DHX38: variants seen among roughly 807,000 people sequenced by gnomAD.
DHX38 encodes the protein pre-mRNA-splicing factor ATP-dependent RNA helicase PRP16.
DHX38 carries 100 observed loss-of-function variants against 153.1 expected under a neutral mutation model. The ratio of observed to expected loss-of-function variants is 0.65; its 90% CI spans 0.56 to 0.77. The LOEUF (loss-of-function observed/expected upper bound fraction) is 0.77, where lower values mean the gene tolerates loss of function less well. Among genes scored for constraint, DHX38 ranks in the 30% least tolerant of loss-of-function variants. The pLI is 0.00. For synonymous variants in DHX38, 650 were observed against 631.7 expected (o/e 1.03, Z -0.43); for missense variants, 1,440 against 1,654.0 (o/e 0.87, Z 2.24).
At position 72,112,785 on chromosome 16, in the gene DHX38, T is replaced by C. The variant is rs754740374; in HGVS notation, c.*288T>C. On this transcript the variant is annotated 3_prime_UTR_variant, in exon 27 of 27. Coordinates refer to ENST00000268482, the MANE Select transcript of DHX38 (RefSeq NM_014003.4). ...TCTAAAACTGGCCCAGGACACTTGG[T>C]GTATGCGTGACTTGGCTGTGGCTGT... is the stretch of plus-strand genomic sequence containing the variant. 2 of 702,672 alleles carry C rather than the reference T, an allele frequency of 2.8e-6. No homozygotes were observed. Among genetic ancestry groups the C allele is most frequent in the South Asian group, 1.5e-5 (1 of 67,602 alleles). The allele number at this position is 702,672 out of a possible 1,614,324, so 43.5% of individuals were successfully genotyped here. A position where few individuals can be genotyped will look rare whatever the true frequency, so the allele number is the denominator to read the frequency against.
rs929926775 is a variant in DHX38 at position 72,109,494 on chromosome 16, C to T, written c.3461C>T (p.Ala1154Val). 1.1e-5 allele frequency: 18 copies of T among 1,611,474 alleles called. No homozygotes were observed. Among genetic ancestry groups the T allele is most frequent in the East Asian group, 2.2e-5 (1 of 44,676 alleles). ...CCCATGTTCTATAGCGTGAAACAGG[C>T]GGGCAAGTCACGGCAGGTGAGGATT... ...LGPMFYSVKQ[A>V]GKSRQENRRR... is the part of the protein sequence containing the mutation. The change falls in exon 25 of 27, where the codon GCG (alanine) becomes GTG (valine). Residue 1154 changes from alanine (A) to valine (V), a missense_variant. Physicochemically the swap from Ala to Val is moderately conservative, Grantham distance 64. This residue lies in a region of DHX38 where 543 missense variants were observed against 717.9 expected (regional missense o/e 0.76). Transcript: ENST00000268482.
chr16:72,104,459 G>A lies in DHX38; in HGVS notation c.2011-27G>A. ...CAGGAGCCAAGGGTCCCCACCATGG[G>A]GGCCTCCGAGCCGCCTCTTCTCTCA... On this transcript the variant is annotated intron_variant, in intron 14 of 26. Coordinates refer to ENST00000268482, the MANE Select transcript of DHX38 (RefSeq NM_014003.4). This position sits in a 1 kb window ranked among gnomAD's most constrained non-coding sequence, Gnocchi z 4.5. The A allele has an allele frequency of 2.5e-6, 4 of 1,611,440 alleles. No homozygotes were observed. The highest frequency in any genetic ancestry group is 3.4e-6 in the Non-Finnish European group (4 of 1,179,776).
At position 72,104,297 on chromosome 16, in the gene DHX38, C is replaced by T. The variant is rs1328818372; in HGVS notation, c.2010+166C>T. The T allele has an allele frequency of 3.4e-6, 4 of 1,185,382 alleles. No individual in the cohort carries two copies. Among genetic ancestry groups the T allele is most frequent in the Admixed American group, 2.7e-5 (1 of 37,700 alleles). 73.4% of individuals were successfully genotyped at this position (1,185,382 alleles called of 1,614,324 possible). A position where few individuals can be genotyped will look rare whatever the true frequency, so the allele number is the denominator to read the frequency against. On this transcript the variant is annotated intron_variant, in intron 14 of 26. Coordinates refer to ENST00000268482, the MANE Select transcript of DHX38 (RefSeq NM_014003.4). This position sits in a 1 kb window ranked among gnomAD's most constrained non-coding sequence, Gnocchi z 4.5. ...CGGGTTGTAGTTCATGCTGTTCTTG[C>T]TCTGCTGAGGGTGGCTTGGGGTTTT...
intron 3 of DHX38, 155 bp from the exon 4 acceptor site, chr16:72,097,522 A>T: frequency 1.6e-6 from 1 of 620,196 alleles, no homozygotes; most frequent in Admixed American, 2.7e-5. Context: ...CCTTGGGAGA[A>T]TGGGGATAGG....
Position 72,104,410 on chromosome 16 carries a change from G to A in DHX38, c.2011-76G>A. 6.3e-7 allele frequency: 1 copy of A among 1,581,318 alleles called. No homozygotes were observed. Among genetic ancestry groups the A allele is most frequent in the South Asian group, 1.1e-5 (1 of 89,290 alleles). On this transcript the variant is annotated intron_variant, in intron 14 of 26. Coordinates refer to ENST00000268482, the MANE Select transcript of DHX38 (RefSeq NM_014003.4). The surrounding 1 kb of genome is among the most constrained non-coding windows in gnomAD (Gnocchi z 4.5). ...CAGCTTTGGCTTGTGTTTCCTCGGGGGTGGTGCTGATGGGACTGGGGGACA... is the reference window on the plus strand; with the variant it reads ...CAGCTTTGGCTTGTGTTTCCTCGGGAGTGGTGCTGATGGGACTGGGGGACA...
rs1029898156 is a variant in DHX38, at chr16:72,109,050, G to A, written c.3381+125G>A. 65 of 1,394,790 alleles carry A rather than the reference G, an allele frequency of 4.7e-5. No homozygotes were observed. The African/African-American group carries it at 4.8e-4, about 10-fold the overall frequency. 86.4% of individuals were successfully genotyped at this position (1,394,790 alleles called of 1,614,324 possible). A position where few individuals can be genotyped will look rare whatever the true frequency, so the allele number is the denominator to read the frequency against. ...CTTGAGGCCACATGCATTGTTTTGC[G>A]GGGCATGTGAGGTTGGTTTTCATTT... On this transcript the variant is annotated intron_variant, in intron 24 of 26. Coordinates refer to ENST00000268482, the MANE Select transcript of DHX38 (RefSeq NM_014003.4).
chr16:72,110,742 G>A (rs1351916169), intron 25 of DHX38, among the ~76,000 whole-genome samples: 1 of 152,250 alleles, frequency 6.6e-6, no homozygotes, highest in African/African-American at 2.4e-5. Flanking sequence ...AGGGATGACT[G>A]AGTTAGGACT....
At chr16:72,103,306 C>T (rs972981166) in intron 12 of DHX38, 95 bp downstream of exon 12, 38 of 1,483,978 alleles carry the variant, frequency 2.6e-5, no homozygotes, top group Admixed American at 4.4e-5. Context: ...TTGTGCATTG[C>T]ACCCAGTGGA....
rs893833231 is a variant in DHX38, at chr16:72,105,528, C to T, written c.2391C>T (p.Gly797=). The T allele has an allele frequency of 6.8e-6, 11 of 1,614,132 alleles. No individual in the cohort carries two copies. The highest frequency in any genetic ancestry group is 1.6e-4 in the Middle Eastern group (1 of 6,062). The change falls in exon 18 of 27, where the codon GGC becomes GGT. Residue 797 remains glycine, a synonymous_variant. Transcript: ENST00000268482. Reference sequence around the variant, plus strand: ...ATGTCCTGCTCTAGGCTCCAGATGGCGTTCGGAAGTGCATCGTTGCCACCA... The same window carrying T: ...ATGTCCTGCTCTAGGCTCCAGATGGTGTTCGGAAGTGCATCGTTGCCACCA... ...QAKIFQKAPD[G]VRKCIVATNI... is the part of the protein sequence containing the mutation.
At chr16:72,109,667 C>T (rs1275021753) in intron 25 of DHX38, 157 bp downstream of exon 25, 2 of 603,706 alleles carry the variant, frequency 3.3e-6, no homozygotes, top group East Asian at 3.6e-5. Context: ...GATTCCCCAC[C>T]ACCCACTCCA....
At chr16:72,096,767 G>A in intron 2 of DHX38, 55 bp from the exon 3 acceptor site, 3 of 1,555,148 alleles carry the variant, frequency 1.9e-6, no homozygotes, top group Non-Finnish European at 2.6e-6. Flanking sequence ...AAAGGTTTTA[G>A]GGCAGAGTTT....
At chr16:72,108,652 A>G (rs1041812238) in intron 23 of DHX38, 45 bp downstream of exon 23, 6 of 1,600,964 alleles carry the variant, frequency 3.7e-6, no homozygotes, top group East Asian at 2.2e-5. Flanking sequence ...TGATACCTGT[A>G]TAAGGGCAAA....
chr16:72,111,046 C>G lies in DHX38; in HGVS notation c.3568C>G (p.Gln1190Glu), dbSNP rs1175784265. 2 of 1,574,106 alleles carry G rather than the reference C, an allele frequency of 1.3e-6. No homozygotes were observed. Among genetic ancestry groups the G allele is most frequent in the Non-Finnish European group, 1.7e-6 (2 of 1,159,964 alleles). Residue 1190 changes from glutamine (Q) to glutamate (E), a missense_variant, in exon 26 of 27, where the codon CAG becomes GAG. Coordinates refer to ENST00000268482, the MANE Select transcript of DHX38 (RefSeq NM_014003.4). ...GCAGCTGCGAGCCCGGCGGCAGGAG[C>G]AGGAGAAGCGCAGCCCCCTGGGCAG... The part of the protein sequence containing the change: ...EEQLRARRQE[Q>E]EKRSPLGSVR...
chr16:72,100,632 C>G, intron 9 of DHX38, 35 bp downstream of exon 9: 1 of 1,607,072 alleles, frequency 6.2e-7, no homozygotes, highest in South Asian at 1.1e-5. Flanking sequence ...CAAGACAGCT[C>G]AGAGAGACCT....
chr16:72,098,775 C>T lies in DHX38; in HGVS notation c.747C>T (p.Ser249=), dbSNP rs371759242. Reference sequence around the variant, plus strand: ...ATTCTGAGCGGAGCCATCGGCTGTCCACTCGAGATCGAGACAGGTGATGTT... The same window carrying T: ...ATTCTGAGCGGAGCCATCGGCTGTCTACTCGAGATCGAGACAGGTGATGTT... ...YRDSERSHRL[S]TRDRDRSVRG... Residue 249 remains serine (S), a synonymous_variant, in exon 5 of 27, where the codon TCC becomes TCT. Coordinates refer to ENST00000268482, the MANE Select transcript of DHX38 (RefSeq NM_014003.4). 2.5e-6 allele frequency: 4 copies of T among 1,614,060 alleles called. No individual in the cohort carries two copies. Among genetic ancestry groups the T allele is most frequent in the Non-Finnish European group, 3.4e-6 (4 of 1,180,036 alleles).
At chr16:72,109,616 T>A in intron 25 of DHX38, 106 bp downstream of exon 25, 2 of 1,048,920 alleles carry the variant, frequency 1.9e-6, no homozygotes, top group African/African-American at 1.7e-5. Context: ...TACTTCTCTC[T>A]GCAAACATAA....
rs1359584289 is a variant in DHX38, at chr16:72,108,905, G to A, written c.3361G>A (p.Glu1121Lys). ...CACCCCAGATTACATAGTGTATCAC[G>A]AGTTGGTCATGACCACCAAGGTGAG... is the stretch of plus-strand genomic sequence containing the variant. Reference protein sequence around the residue: ...GYTPDYIVYHELVMTTKEYMQ... With the variant: ...GYTPDYIVYHKLVMTTKEYMQ... The change falls in exon 24 of 27, where the codon GAG becomes AAG. Residue 1121 changes from glutamate (E) to lysine (K), a missense_variant. Glu to Lys is a moderately conservative substitution (Grantham distance 56, BLOSUM62 1). Around this residue, in one of 6 missense-constraint regions of DHX38, gnomAD observed 543 missense variants for 717.9 expected, o/e 0.76. Transcript: ENST00000268482. 2.5e-6 allele frequency: 4 copies of A among 1,610,294 alleles called. No homozygotes were observed. The highest frequency in any genetic ancestry group is 3.4e-6 in the Non-Finnish European group (4 of 1,178,274).
At position 72,103,062 on chromosome 16, in the gene DHX38, G is replaced by A. The variant is rs1483604474; in HGVS notation, c.1500-12G>A. On this transcript the variant is annotated splice_polypyrimidine_tract_variant and intron_variant, in intron 11 of 26. Transcript: ENST00000268482. Reference sequence around the variant, plus strand: ...CACCATGCAGGGTGTTTAGGCTGCTGTGTGTTCCTAGGACAGAGCAGAAGT... The same window carrying A: ...CACCATGCAGGGTGTTTAGGCTGCTATGTGTTCCTAGGACAGAGCAGAAGT... 6.2e-7 allele frequency: 1 copy of A among 1,613,962 alleles called. No individual in the cohort carries two copies. Among genetic ancestry groups the A allele is most frequent in the East Asian group, 2.2e-5 (1 of 44,882 alleles).
chr16:72,111,055 C>T lies in DHX38; in HGVS notation c.3577C>T (p.Arg1193Cys), dbSNP rs751603973. 14 of 1,570,220 alleles carry T rather than the reference C, an allele frequency of 8.9e-6. No homozygotes were observed. Among genetic ancestry groups the T allele is most frequent in the South Asian group, 5.9e-5 (5 of 85,432 alleles). Reference protein sequence around the residue: ...LRARRQEQEKRSPLGSVRSTK... With the variant: ...LRARRQEQEKCSPLGSVRSTK... Reference sequence around the variant, plus strand: ...AGCCCGGCGGCAGGAGCAGGAGAAGCGCAGCCCCCTGGGCAGTGTCAGGTG... The same window carrying T: ...AGCCCGGCGGCAGGAGCAGGAGAAGTGCAGCCCCCTGGGCAGTGTCAGGTG... Residue 1193 changes from arginine to cysteine, a missense_variant, in exon 26 of 27, where the codon CGC (arginine) becomes TGC (cysteine). Transcript: ENST00000268482.
Sources: allele counts gnomAD v4.1 joint callset (sites outside exome capture counted in the v4.1 genomes callset), GRCh38; gene constraint gnomAD v4.1.1; regional missense constraint gnomAD v4.1.1; non-coding constraint Gnocchi (gnomAD v3.1); transcripts MANE v1.5; gene names NCBI Gene and HGNC (gene_info 2026-07-23, HGNC 2026-07-21).